The following CALCOCO2 variants were observed in gnomAD, a reference collection of about 807,000 sequenced individuals.
CALCOCO2 encodes calcium-binding and coiled-coil domain-containing protein 2.
CALCOCO2 carries 42 observed loss-of-function variants against 62.5 expected under a neutral mutation model. That is an observed-to-expected ratio of 0.67 (90% confidence interval 0.53 to 0.87). CALCOCO2 has a LOEUF of 0.87. Ranked by LOEUF, CALCOCO2 falls within the 40% of genes least tolerant of loss-of-function variation. CALCOCO2 has a pLI of 0.00. For synonymous variants in CALCOCO2, 167 were observed against 173.0 expected, an observed-to-expected ratio of 0.97 and a Z score of 0.27; for missense variants, 456 against 515.0, an observed-to-expected ratio of 0.89 and a Z score of 1.11.
chr17:48,831,384 C>G (rs1176781170), intron 1 of CALCOCO2: 1 of 151,982 alleles, frequency 6.6e-6, no homozygotes, highest in Non-Finnish European at 1.5e-5. Context: ...CGGCGGCTGC[C>G]GCCCCACGGG....
At chr17:48,856,221 G>A in intron 10 of CALCOCO2, 34 bp downstream of exon 10, 2 of 1,226,644 alleles carry the variant, frequency 1.6e-6, no homozygotes, top group Non-Finnish European at 2.4e-6. Context: ...AAACCCCAAG[G>A]TTTTAAGGGG....
chr17:48,847,836 A>T, intron 2 of CALCOCO2: 1 of 377,696 alleles, frequency 2.6e-6, no homozygotes, highest in South Asian at 3.2e-5. Flanking sequence ...TTGTATTTTA[A>T]TGGAGACGGG....
In CALCOCO2 at chr17:48,860,384, T is replaced by G. The variant is rs1223726976; in HGVS notation, c.1079T>G (p.Val360Gly). The stretch of plus-strand genomic sequence containing the variant: ...GATTTTAATTCTTTGCCGTATCAAG[T>G]ACCTACTTCAGATGAAGGAGGCGCA... ...GLDFNSLPYQVPTSDEGGARQ... is the reference protein window; with the variant it reads ...GLDFNSLPYQGPTSDEGGARQ... The change falls in exon 11 of 13, where the codon GTA becomes GGA. Residue 360 changes from valine to glycine, a missense_variant. Coordinates refer to ENST00000258947, the MANE Select transcript of CALCOCO2 (RefSeq NM_005831.5). The G allele has an allele frequency of 1.9e-6, 3 of 1,612,888 alleles. No individual in the cohort carries two copies. The African/African-American group carries it at 4.0e-5, about 22-fold the overall frequency.
intron 1 of CALCOCO2, among the ~76,000 whole-genome samples, chr17:48,833,445 G>T: frequency 6.6e-6 from 1 of 151,496 alleles, no homozygotes; most frequent in East Asian, 1.9e-4. Context: ...GTCTTGGGAG[G>T]CTGAGGCAGG....
At chr17:48,842,154 CTTTTT>C (rs200836727) in intron 2 of CALCOCO2, 25 of 136,626 alleles carry the variant, frequency 1.8e-4, no homozygotes, top group South Asian at 1.8e-3. Flanking sequence ...TTTTTCTTTT[CTTTTT>C]TTTTTTTTTT....
rs547327315 is a variant in CALCOCO2, at chr17:48,853,316, C to A, written c.912+304C>A. 7 of 237,424 alleles carry A rather than the reference C, an allele frequency of 2.9e-5. No individual in the cohort carries two copies. In the South Asian group the frequency reaches 5.7e-4, roughly 19 times the overall value. 14.7% of individuals were successfully genotyped at this position (237,424 alleles called of 1,614,324 possible). A position where few individuals can be genotyped will look rare whatever the true frequency, so the allele number is the denominator to read the frequency against. The stretch of plus-strand genomic sequence containing the variant: ...CCCCTACCCTCTTCTTACAGAGTTA[C>A]AATAGGGGCAGACAAATGAATGGTT... On this transcript the variant is annotated intron_variant, in intron 9 of 12. Coordinates refer to ENST00000258947, the MANE Select transcript of CALCOCO2 (RefSeq NM_005831.5).
intron 7 of CALCOCO2, 27 bp downstream of exon 7, chr17:48,851,655 G>T (rs1307178105): frequency 1.4e-6 from 2 of 1,388,558 alleles, no homozygotes; most frequent in Admixed American, 1.7e-5. Context: ...GTTTGTCAAA[G>T]GATATTTTCT....
chr17:48,863,065 C>A lies in CALCOCO2; in HGVS notation c.*60C>A, dbSNP rs779768956. Reference sequence around the variant, plus strand: ...ATAGAATAGAACCTATAGCTTCTACCATGAGTTATATGAGTCAAGATCCTG... The same window carrying A: ...ATAGAATAGAACCTATAGCTTCTACAATGAGTTATATGAGTCAAGATCCTG... On this transcript the variant is annotated 3_prime_UTR_variant, in exon 13 of 13. Transcript: ENST00000258947. 15 of 1,263,958 alleles carry A rather than the reference C, an allele frequency of 1.2e-5. No homozygotes were observed. Among genetic ancestry groups the A allele is most frequent in the Non-Finnish European group, 1.6e-5 (14 of 862,146 alleles). 78.3% of individuals were successfully genotyped at this position (1,263,958 alleles called of 1,614,324 possible).
Position 48,841,815 on chromosome 17 carries a change from G to C in CALCOCO2, c.108G>C (p.Gly36=). The C allele has an allele frequency of 6.2e-7, 1 of 1,613,540 alleles. No individual in the cohort carries two copies. The highest frequency in any genetic ancestry group is 8.5e-7 in the Non-Finnish European group (1 of 1,179,584). ...NSVEKFYIPG[G]DVTCHYTFTQ... ...TGGAGAAGTTCTACATCCCTGGAGGGGACGTCACATGTCATTATACCTTCA... is the reference window on the plus strand; with the variant it reads ...TGGAGAAGTTCTACATCCCTGGAGGCGACGTCACATGTCATTATACCTTCA... Residue 36 remains glycine (G), a synonymous_variant, in exon 2 of 13, where the codon GGG becomes GGC. Coordinates refer to ENST00000258947, the MANE Select transcript of CALCOCO2 (RefSeq NM_005831.5).
At chr17:48,842,190 C>T (rs1346802661) in intron 2 of CALCOCO2, 3 of 150,772 alleles carry the variant, frequency 2.0e-5, no homozygotes, top group African/African-American at 8.2e-5. Flanking sequence ...GAGTCTTGCT[C>T]TGTCACCTAG....
chr17:48,858,821 G>A (rs889337840), intron 10 of CALCOCO2, among the ~76,000 whole-genome samples: 1 of 151,558 alleles, frequency 6.6e-6, no homozygotes, highest in Non-Finnish European at 1.5e-5. Context: ...TTGGGAGGCC[G>A]AGGCGGGTGG....
At chr17:48,835,310 T>A (rs1435865238) in intron 1 of CALCOCO2, among the ~76,000 whole-genome samples, 2 of 152,200 alleles carry the variant, frequency 1.3e-5, no homozygotes, top group African/African-American at 4.8e-5. Flanking sequence ...CTCATGGCCC[T>A]TTGTGTCCAC....
chr17:48,858,698 G>T (rs543998480), intron 10 of CALCOCO2, among the ~76,000 whole-genome samples: 2 of 152,000 alleles, frequency 1.3e-5, no homozygotes, highest in South Asian at 2.1e-4. Flanking sequence ...TTGATTGTGG[G>T]GGGGGGCAGG....
chr17:48,859,407 T>C (rs1304993670), intron 10 of CALCOCO2, among the ~76,000 whole-genome samples: 1 of 151,928 alleles, frequency 6.6e-6, no homozygotes, highest in Non-Finnish European at 1.5e-5. Flanking sequence ...GAAACCAGCC[T>C]GGGCAACAAA....
intron 11 of CALCOCO2, among the ~76,000 whole-genome samples, chr17:48,861,661 G>GTATATATATATATATATATATATATATA (rs59973644): frequency 1.0e-4 from 14 of 135,126 alleles, no homozygotes; most frequent in African/African-American, 4.1e-4. Context: ...ATGTGTGTGT[G>GTATATATATATATATATATATATATATA]TATATATATA....
intron 12 of CALCOCO2, 89 bp downstream of exon 12, chr17:48,862,393 G>A: frequency 1.1e-6 from 1 of 914,440 alleles, no homozygotes; most frequent in Non-Finnish European, 1.8e-6. Context: ...TAGGGAGACA[G>A]GTTCATTTTG....
chr17:48,855,845 T>C (rs1292546116), intron 9 of CALCOCO2: 3 of 241,022 alleles, frequency 1.2e-5, no homozygotes, highest in African/African-American at 6.8e-5. Context: ...CCTTGGTCAC[T>C]TATACCCTCA....
chr17:48,854,174 G>A (rs1231133009), intron 9 of CALCOCO2, among the ~76,000 whole-genome samples: 2 of 149,780 alleles, frequency 1.3e-5, no homozygotes, highest in African/African-American at 4.9e-5. Flanking sequence ...AAATTAGCCG[G>A]GCATGGTGGT....
chr17:48,836,327 C>T (rs2039889903), intron 1 of CALCOCO2, among the ~76,000 whole-genome samples: 1 of 152,144 alleles, frequency 6.6e-6, no homozygotes, highest in Non-Finnish European at 1.5e-5. Context: ...CATCTCCTCA[C>T]CCTATTTTAG....
Sources: allele counts gnomAD v4.1 joint callset (sites outside exome capture counted in the v4.1 genomes callset), GRCh38; gene constraint gnomAD v4.1.1; transcripts MANE v1.5; gene names NCBI Gene and HGNC (gene_info 2026-07-23, HGNC 2026-07-21).